CAMK2D: variants seen among roughly 807,000 people sequenced by gnomAD.
CAMK2D encodes the protein calcium/calmodulin-dependent protein kinase type II subunit delta.
A neutral mutation model predicts 84.0 loss-of-function variants in CAMK2D; 37 were observed. The ratio of observed to expected loss-of-function variants is 0.44; its 90% CI spans 0.34 to 0.58. The LOEUF (loss-of-function observed/expected upper bound fraction) is 0.58. CAMK2D is among the 20% of genes least tolerant of loss of function. CAMK2D has a pLI of 0.02. For missense variants in CAMK2D, 448 were observed against 652.5 expected, an observed-to-expected ratio of 0.69 and a Z score of 3.41; for synonymous variants, 202 against 212.5, an observed-to-expected ratio of 0.95 and a Z score of 0.43.
intron 2 of CAMK2D, among the ~76,000 whole-genome samples, chr4:113,708,380 A>T (rs1226113311): frequency 6.6e-6 from 1 of 152,204 alleles, no homozygotes; most frequent in Non-Finnish European, 1.5e-5. Flanking sequence ...ACAATTCTCA[A>T]GAACTGGGCT....
intron 4 of CAMK2D, among the ~76,000 whole-genome samples, chr4:113,602,098 T>A (rs1012021638): frequency 1.3e-5 from 2 of 152,188 alleles, no homozygotes; most frequent in Non-Finnish European, 2.9e-5. Flanking sequence ...GTTCTTTTTT[T>A]TTTTATTTCT....
chr4:113,579,560 T>C (rs758022708), intron 4 of CAMK2D, among the ~76,000 whole-genome samples: 1 of 152,136 alleles, frequency 6.6e-6, no homozygotes, highest in Non-Finnish European at 1.5e-5. Context: ...AAGACCCTGG[T>C]ACTTCTTCCC....
intron 3 of CAMK2D, among the ~76,000 whole-genome samples, chr4:113,639,630 A>C (rs1372441088): frequency 6.6e-6 from 1 of 152,044 alleles, no homozygotes; most frequent in African/African-American, 2.4e-5. Context: ...GATGAGGCCT[A>C]AACAGAAAGG....
At chr4:113,654,281 T>C (rs542473776) in intron 3 of CAMK2D, among the ~76,000 whole-genome samples, 2 of 152,124 alleles carry the variant, frequency 1.3e-5, no homozygotes, top group African/African-American at 4.8e-5. Context: ...AATGCCATTA[T>C]TACTCATAGG....
chr4:113,478,204 C>T (rs535562081), intron 16 of CAMK2D, among the ~76,000 whole-genome samples: 1 of 152,092 alleles, frequency 6.6e-6, no homozygotes, highest in Non-Finnish European at 1.5e-5. Context: ...CTGGCACTTG[C>T]ATAGTCAGAT....
chr4:113,494,883 G>A (rs1042718944), intron 16 of CAMK2D, among the ~76,000 whole-genome samples: 4 of 152,342 alleles, frequency 2.6e-5, no homozygotes, highest in South Asian at 2.1e-4. Flanking sequence ...GCAGTATTCC[G>A]GTAGGAGTGA....
rs554630125 is a variant in CAMK2D, at chr4:113,514,540, A to G, written c.819+529T>C. On this transcript the variant is annotated intron_variant, in intron 10 of 20. Transcript: ENST00000511664. ...CTTTCATTTACTTAGTGCCACATTT[A>G]TCACCTTAGCATTTGACACATTTGG... is the stretch of plus-strand genomic sequence containing the variant. Among the ~76,000 whole-genome samples, 3 of 152,312 alleles carry G rather than the reference A, an allele frequency of 2.0e-5. No homozygotes were observed. In the East Asian group the frequency reaches 5.8e-4, roughly 29 times the overall value.
intron 2 of CAMK2D, among the ~76,000 whole-genome samples, chr4:113,691,390 G>C (rs1264742894): frequency 1.3e-5 from 2 of 152,174 alleles, no homozygotes; most frequent in African/African-American, 4.8e-5. Flanking sequence ...AAGGAATAAA[G>C]GTAATGCTAT....
At chr4:113,580,119 C>A (rs2098801119) in intron 4 of CAMK2D, among the ~76,000 whole-genome samples, 1 of 152,160 alleles carries the variant, frequency 6.6e-6, no homozygotes, top group South Asian at 2.1e-4. Context: ...TTATTTTATT[C>A]TATTTTAAAA....
At chr4:113,599,165 C>T (rs1046714988) in intron 4 of CAMK2D, among the ~76,000 whole-genome samples, 1 of 152,150 alleles carries the variant, frequency 6.6e-6, no homozygotes, top group Non-Finnish European at 1.5e-5. Flanking sequence ...ACACCAAATG[C>T]TGGTGAGAAT....
At chr4:113,510,738 A>C (rs2098200556) in intron 12 of CAMK2D, among the ~76,000 whole-genome samples, 1 of 152,160 alleles carries the variant, frequency 6.6e-6, no homozygotes, top group Non-Finnish European at 1.5e-5. Flanking sequence ...CCTAGCTAGA[A>C]TAGAACTGCA....
chr4:113,731,520 A>T (rs988931909), intron 2 of CAMK2D, among the ~76,000 whole-genome samples: 16 of 151,570 alleles, frequency 1.1e-4, no homozygotes, highest in African/African-American at 3.4e-4. Context: ...TTTTCCTATC[A>T]TTTTATTTCT....
chr4:113,458,862 A>G (rs2097336546), intron 18 of CAMK2D, among the ~76,000 whole-genome samples: 2 of 152,240 alleles, frequency 1.3e-5, no homozygotes. Context: ...ATTCAATAAG[A>G]TCTCTGCAAA....
chr4:113,670,935 A>G (rs966669639), intron 2 of CAMK2D, among the ~76,000 whole-genome samples: 4 of 152,160 alleles, frequency 2.6e-5, no homozygotes, highest in Non-Finnish European at 1.5e-5. Context: ...CTCAAAAAAA[A>G]AAAGATAAAC....
At chr4:113,533,590 TATC>T (rs1342248794) in intron 7 of CAMK2D, among the ~76,000 whole-genome samples, 1 of 151,400 alleles carries the variant, frequency 6.6e-6, no homozygotes, top group East Asian at 1.9e-4. Context: ...AGAACCTTAA[TATC>T]ATAAAAAAGA....
intron 8 of CAMK2D, among the ~76,000 whole-genome samples, chr4:113,518,835 T>C (rs2098320875): frequency 6.6e-6 from 1 of 152,180 alleles, no homozygotes; most frequent in South Asian, 2.1e-4. Context: ...GAAATGGTTT[T>C]TAAGCAATGG....
chr4:113,704,624 G>A (rs1374541356), intron 2 of CAMK2D, among the ~76,000 whole-genome samples: 1 of 151,944 alleles, frequency 6.6e-6, no homozygotes, highest in Non-Finnish European at 1.5e-5. Context: ...AAGTGAGAAG[G>A]GAGAGAGTGA....
intron 2 of CAMK2D, among the ~76,000 whole-genome samples, chr4:113,712,817 C>T (rs1178479875): frequency 6.6e-6 from 1 of 151,940 alleles, no homozygotes; most frequent in Admixed American, 6.6e-5. Context: ...TACATAAACC[C>T]TCAAGCCTCC....
chr4:113,595,578 T>C (rs1411638821), intron 4 of CAMK2D, among the ~76,000 whole-genome samples: 1 of 151,910 alleles, frequency 6.6e-6, no homozygotes, highest in Non-Finnish European at 1.5e-5. Context: ...TGAAGTAGTA[T>C]AGGAGATATT....
Sources: gnomAD v4.1 joint callset for allele counts (sites outside exome capture counted in the v4.1 genomes callset) on GRCh38, gnomAD v4.1.1 for gene constraint, MANE v1.5 for transcripts, NCBI Gene and HGNC (gene_info 2026-07-23, HGNC 2026-07-21) for gene names.